Variants in PTPRD observed in about 807,000 individuals in gnomAD.
The protein encoded by PTPRD is protein tyrosine phosphatase receptor type D.
Under a neutral mutation model 214.5 loss-of-function variants are expected in PTPRD, and 34 were observed. The ratio of observed to expected loss-of-function variants is 0.16; its 90% CI spans 0.12 to 0.21. The LOEUF is 0.21. PTPRD is among the 10% of genes least tolerant of loss of function. PTPRD has a pLI of 1.00. For missense variants in PTPRD, 2,545 were observed against 2,398.7 expected, an observed-to-expected ratio of 1.06 and a Z score of -1.27; for synonymous variants, 1,128 against 845.7, an observed-to-expected ratio of 1.33 and a Z score of -5.79.
At chr9:9,318,216 C>G (rs926070463) in intron 9 of PTPRD, among the ~76,000 whole-genome samples, 1 of 133,624 alleles carries the variant, frequency 7.5e-6, no homozygotes, top group Non-Finnish European at 1.6e-5. Context: ...CAAAAACAAA[C>G]AAAAAACCAA....
At chr9:8,750,269 T>C (rs2093380634) in intron 11 of PTPRD, among the ~76,000 whole-genome samples, 2 of 152,022 alleles carry the variant, frequency 1.3e-5, no homozygotes, top group African/African-American at 2.4e-5. Context: ...GCGATTCTTC[T>C]GCCTCAGCCT....
chr9:8,992,183 T>A (rs538503265), intron 11 of PTPRD, among the ~76,000 whole-genome samples: 1 of 152,152 alleles, frequency 6.6e-6, no homozygotes, highest in South Asian at 2.1e-4. Context: ...TGAATGGCTA[T>A]AGAAGGAAAG....
chr9:10,479,345 G>A (rs956417288), intron 2 of PTPRD, among the ~76,000 whole-genome samples: 10 of 151,752 alleles, frequency 6.6e-5, no homozygotes, highest in Non-Finnish European at 1.5e-4. Flanking sequence ...CAACACATAG[G>A]AAAGGTGGAA....
At chr9:9,644,054 G>T (rs2096062966) in intron 7 of PTPRD, among the ~76,000 whole-genome samples, 1 of 152,002 alleles carries the variant, frequency 6.6e-6, no homozygotes, top group Admixed American at 6.6e-5. Flanking sequence ...TAAAATGCTG[G>T]TCCCTCAAAG....
intron 8 of PTPRD, among the ~76,000 whole-genome samples, chr9:9,503,771 A>G (rs2096495579): frequency 6.6e-6 from 1 of 151,856 alleles, no homozygotes; most frequent in Middle Eastern, 3.4e-3. Context: ...ACACATGCCT[A>G]TGATTTTACA....
At chr9:9,081,884 C>T (rs1255392446) in intron 10 of PTPRD, among the ~76,000 whole-genome samples, 3 of 149,906 alleles carry the variant, frequency 2.0e-5, no homozygotes, top group African/African-American at 4.9e-5. Context: ...TTATTTTGAG[C>T]GTATGTGTGT....
intron 4 of PTPRD, among the ~76,000 whole-genome samples, chr9:10,012,280 G>A (rs561914250): frequency 5.3e-5 from 8 of 151,632 alleles, no homozygotes; most frequent in South Asian, 2.1e-4. Flanking sequence ...GATGAAGTGA[G>A]AGATAACAAA....
At chr9:8,996,286 A>T (rs1455751567) in intron 11 of PTPRD, among the ~76,000 whole-genome samples, 1 of 152,110 alleles carries the variant, frequency 6.6e-6, no homozygotes, top group East Asian at 1.9e-4. Flanking sequence ...TTCAGTTAAA[A>T]AATAAAAACA....
chr9:9,499,492 G>C (rs146397381), intron 8 of PTPRD, among the ~76,000 whole-genome samples: 17 of 152,098 alleles, frequency 1.1e-4, no homozygotes, highest in African/African-American at 4.1e-4. Context: ...TCATATTTGT[G>C]AGTTATTTTG....
chr9:9,770,977 CT>C (rs1466938225), intron 5 of PTPRD, among the ~76,000 whole-genome samples: 1 of 152,138 alleles, frequency 6.6e-6, no homozygotes, highest in Non-Finnish European at 1.5e-5. Context: ...AACTACAAAT[CT>C]TTCCTGTGTT....
chr9:9,705,187 C>T (rs1467969673), intron 7 of PTPRD, among the ~76,000 whole-genome samples: 2 of 152,118 alleles, frequency 1.3e-5, no homozygotes, highest in Non-Finnish European at 2.9e-5. Context: ...CATAGAATTG[C>T]ATATGACAGA....
intron 14 of PTPRD, among the ~76,000 whole-genome samples, chr9:8,569,162 TA>T (rs1285009403): frequency 6.6e-6 from 1 of 152,100 alleles, no homozygotes; most frequent in Non-Finnish European, 1.5e-5. Context: ...TCTCTTTAGA[TA>T]CCCTCTAACA....
intron 5 of PTPRD, among the ~76,000 whole-genome samples, chr9:9,815,172 G>A (rs1176411140): frequency 6.6e-6 from 1 of 152,066 alleles, no homozygotes; most frequent in Non-Finnish European, 1.5e-5. Context: ...TAGACTAATG[G>A]ATCAGAATAG....
chr9:9,555,277 T>C (rs2081247695), intron 8 of PTPRD, among the ~76,000 whole-genome samples: 1 of 152,064 alleles, frequency 6.6e-6, no homozygotes, highest in African/African-American at 2.4e-5. Context: ...ATGGCCACAG[T>C]CTTTTCATTG....
intron 11 of PTPRD, among the ~76,000 whole-genome samples, chr9:9,015,767 A>G (rs1032087428): frequency 8.5e-5 from 13 of 152,140 alleles, no homozygotes; most frequent in Non-Finnish European, 1.9e-4. Context: ...GATGAAGAGA[A>G]TGGAGCCTCA....
chr9:9,667,840 G>C (rs1357883528), intron 7 of PTPRD, among the ~76,000 whole-genome samples: 1 of 152,180 alleles, frequency 6.6e-6, no homozygotes, highest in Admixed American at 6.6e-5. Context: ...TCTGCATTTT[G>C]TCAAGCATCC....
At chr9:10,174,072 C>T (rs1316004973) in intron 3 of PTPRD, among the ~76,000 whole-genome samples, 1 of 152,086 alleles carries the variant, frequency 6.6e-6, no homozygotes, top group Non-Finnish European at 1.5e-5. Flanking sequence ...GCATCACTTA[C>T]TAAATTAAGA....
intron 22 of PTPRD, among the ~76,000 whole-genome samples, chr9:8,505,305 C>A (rs2097519541): frequency 6.6e-6 from 1 of 152,082 alleles, no homozygotes; most frequent in Non-Finnish European, 1.5e-5. Context: ...ATAGTGTTTG[C>A]TATTCACACA....
At chr9:10,058,951 T>C (rs2097707732) in intron 3 of PTPRD, among the ~76,000 whole-genome samples, 1 of 152,114 alleles carries the variant, frequency 6.6e-6, no homozygotes, top group Admixed American at 6.6e-5. Flanking sequence ...GTAGAATTTC[T>C]TTTTTTGTCT....
Sources: gnomAD v4.1 joint callset for allele counts (sites outside exome capture counted in the v4.1 genomes callset) on GRCh38, gnomAD v4.1.1 for gene constraint, MANE v1.5 for transcripts, NCBI Gene and HGNC (gene_info 2026-07-23, HGNC 2026-07-21) for gene names.